The following SDC1 variants were observed in gnomAD, a reference collection of about 807,000 sequenced individuals.
SDC1 encodes the protein syndecan-1.
In SDC1, 14 loss-of-function variants were observed where a neutral mutation model predicts 29.7. The ratio of observed to expected loss-of-function variants is 0.47; its 90% CI spans 0.31 to 0.74. SDC1 has a LOEUF of 0.74. Among genes scored for constraint, SDC1 ranks in the 30% least tolerant of loss-of-function variants. The pLI is 0.05. For synonymous variants in SDC1, 204 were observed against 175.5 expected (o/e 1.16, Z -1.29); for missense variants, 406 against 400.3 (o/e 1.01, Z -0.12).
At position 20,219,571 on chromosome 2, in the gene SDC1, C is replaced by T. The variant is rs1440943922; in HGVS notation, c.66+5231G>A. Among the ~76,000 whole-genome samples, 8 of 152,182 alleles carry T rather than the reference C, an allele frequency of 5.3e-5. No individual in the cohort carries two copies. The South Asian group carries it at 1.2e-3, about 24-fold the overall frequency. ...CCTTCCCCTGGAGCCTGTCAGGGCA[C>T]GCATGTCCCATTCAGTGGAAGGTTC... On this transcript the variant is annotated intron_variant, in intron 1 of 4. Transcript: ENST00000254351.
intron 1 of SDC1, among the ~76,000 whole-genome samples, chr2:20,215,852 C>T (rs553124917): frequency 3.2e-4 from 49 of 152,082 alleles, no homozygotes; most frequent in African/African-American, 1.0e-3. Context: ...CACTCCAGCC[C>T]GAGCCGGGAC....
At position 20,209,884 on chromosome 2, in the gene SDC1, G is replaced by T. The variant is rs530542269; in HGVS notation, c.67-4460C>A. ...GGGCATCTCAGACAGGTTCGACGGG[G>T]GGCAGCGGGCCCAGTCGCTAACCCG... On this transcript the variant is annotated intron_variant, in intron 1 of 4. Transcript: ENST00000254351. Among the ~76,000 whole-genome samples, 492 of 152,340 alleles carry T rather than the reference G, an allele frequency of 3.2e-3. 4 individuals are homozygous for T. The highest frequency in any genetic ancestry group is 4.9e-3 in the Non-Finnish European group (331 of 68,036).
rs1489449622 is a variant in SDC1, at chr2:20,201,328, A to C, written c.*1438T>G. On this transcript the variant is annotated 3_prime_UTR_variant, in exon 5 of 5. Coordinates refer to ENST00000254351, the MANE Select transcript of SDC1 (RefSeq NM_002997.5). ...TCCAGGAGAATTTCAGCCAAAACAA[A>C]AAAGCAAATACACAGAGGGACCCTG... The C allele has an allele frequency of 3.3e-5, 5 of 152,216 alleles. No homozygotes were observed. The highest frequency in any genetic ancestry group is 1.2e-4 in the African/African-American group (5 of 41,454). 9.4% of individuals were successfully genotyped at this position (152,216 alleles called of 1,614,324 possible).
rs1335898150 is a variant in SDC1, at chr2:20,201,651, C to G, written c.*1115G>C. On this transcript the variant is annotated 3_prime_UTR_variant, in exon 5 of 5. Coordinates refer to ENST00000254351, the MANE Select transcript of SDC1 (RefSeq NM_002997.5). The stretch of plus-strand genomic sequence containing the variant: ...CCCAGGGTGGGGCCACAGGAGCTAA[C>G]GGAGAACCTGGCCTTGGATGGAGGC... 1 of 152,700 alleles carries G rather than the reference C, an allele frequency of 6.5e-6. No individual in the cohort carries two copies. The highest frequency in any genetic ancestry group is 2.4e-5 in the African/African-American group (1 of 41,462). The allele number at this position is 152,700 out of a possible 1,614,324, so 9.5% of individuals were successfully genotyped here.
At chr2:20,218,818 GACAC>G (rs758566853) in intron 1 of SDC1, among the ~76,000 whole-genome samples, 1 of 149,976 alleles carries the variant, frequency 6.7e-6, no homozygotes, top group Non-Finnish European at 1.5e-5. Flanking sequence ...TACACACGCA[GACAC>G]ACACACACAC....
Position 20,224,665 on chromosome 2 carries a change from C to A in SDC1, c.66+137G>T, listed in dbSNP as rs1385453771. The stretch of plus-strand genomic sequence containing the variant: ...GAGCCCTGGTCTCGGGGCTCACCGT[C>A]CCGGGACCCGCTGGGCTAGCGCGGG... On this transcript the variant is annotated intron_variant, in intron 1 of 4. Coordinates refer to ENST00000254351, the MANE Select transcript of SDC1 (RefSeq NM_002997.5). This position sits in a 1 kb window ranked among gnomAD's most constrained non-coding sequence, Gnocchi z 4.9. The A allele has an allele frequency of 1.8e-6, 2 of 1,085,168 alleles. No homozygotes were observed. Among genetic ancestry groups the A allele is most frequent in the Admixed American group, 4.6e-5 (1 of 21,616 alleles). 67.2% of individuals were successfully genotyped at this position (1,085,168 alleles called of 1,614,324 possible).
At chr2:20,203,676 G>A in intron 3 of SDC1, 137 bp downstream of exon 3, 1 of 701,600 alleles carries the variant, frequency 1.4e-6, no homozygotes, top group Admixed American at 2.4e-5. Context: ...CCTGGGGGTA[G>A]GGGAAGGCGG....
chr2:20,207,610 C>A (rs930554817), intron 1 of SDC1, among the ~76,000 whole-genome samples: 6 of 152,208 alleles, frequency 3.9e-5, no homozygotes, highest in African/African-American at 1.4e-4. Context: ...GAGGCTGAGG[C>A]AGGAGAATCC....
intron 1 of SDC1, among the ~76,000 whole-genome samples, chr2:20,217,279 C>T (rs1405145894): frequency 6.6e-6 from 1 of 152,202 alleles, no homozygotes. Flanking sequence ...GTAACAGCCA[C>T]CCTCTCTTAC....
At chr2:20,214,054 T>C (rs953466279) in intron 1 of SDC1, among the ~76,000 whole-genome samples, 32 of 152,140 alleles carry the variant, frequency 2.1e-4, no homozygotes, top group African/African-American at 7.5e-4. Flanking sequence ...GGGCTAACTC[T>C]GGAACTAGGC....
At position 20,205,901 on chromosome 2, in the gene SDC1, G is replaced by A. The variant is rs914516116; in HGVS notation, c.67-477C>T. ...TCAAAAACCCCCAAGAACAATCTCA[G>A]GACAACCTGGGTGCAGAGGCAGCCT... On this transcript the variant is annotated intron_variant, in intron 1 of 4. Transcript: ENST00000254351. Among the ~76,000 whole-genome samples, 3 of 152,338 alleles carry A rather than the reference G, an allele frequency of 2.0e-5. No individual in the cohort carries two copies. In the East Asian group the frequency reaches 5.8e-4, roughly 29 times the overall value.
chr2:20,219,010 G>A (rs1677726729), intron 1 of SDC1, among the ~76,000 whole-genome samples: 1 of 152,180 alleles, frequency 6.6e-6, no homozygotes, highest in African/African-American at 2.4e-5. Context: ...GTGGGGAGAG[G>A]AACCAGTGGC....
intron 1 of SDC1, among the ~76,000 whole-genome samples, chr2:20,216,627 C>A (rs1287386623): frequency 6.6e-6 from 1 of 152,192 alleles, no homozygotes; most frequent in African/African-American, 2.4e-5. Flanking sequence ...CACTCTGACA[C>A]AATCAAGTCC....
In SDC1 at chr2:20,202,975, C is replaced by T. The variant is rs781058485; in HGVS notation, c.764-40G>A. 3.8e-6 allele frequency: 6 copies of T among 1,583,292 alleles called. No individual in the cohort carries two copies. The African/African-American group carries it at 5.4e-5, about 14-fold the overall frequency. ...CGGGGCCAGCTCAGCTCAGCGGCTC[C>T]TTGGGCTCTGCTGCAGACCCTCCCC... On this transcript the variant is annotated intron_variant, in intron 4 of 4. Coordinates refer to ENST00000254351, the MANE Select transcript of SDC1 (RefSeq NM_002997.5).
chr2:20,223,233 G>A lies in SDC1; in HGVS notation c.66+1569C>T, dbSNP rs531460168. The A allele has an allele frequency of 5.4e-4, 698 of 1,301,604 alleles. 4 individuals are homozygous for A. In the African/African-American group the frequency reaches 9.8e-3, roughly 18 times the overall value. The allele number at this position is 1,301,604 out of a possible 1,614,324, so 80.6% of individuals were successfully genotyped here. The stretch of plus-strand genomic sequence containing the variant: ...AAGCAGGGAGGGCGCTTTACACATC[G>A]GTCTCAGAAACGACTGTCCCTACCT... On this transcript the variant is annotated intron_variant, in intron 1 of 4. Transcript: ENST00000254351.
intron 1 of SDC1, among the ~76,000 whole-genome samples, chr2:20,212,566 C>T (rs1238779704): frequency 6.6e-6 from 1 of 152,214 alleles, no homozygotes; most frequent in African/African-American, 2.4e-5. Flanking sequence ...GAAGCCATTC[C>T]CAGGAGGAGG....
intron 1 of SDC1, chr2:20,207,302 C>A (rs1380423531): frequency 2.2e-6 from 1 of 461,982 alleles, no homozygotes; most frequent in African/African-American, 2.1e-5. Flanking sequence ...TTCCTTCCCC[C>A]AAGAGAAAGG....
Position 20,223,283 on chromosome 2 carries a change from A to G in SDC1, c.66+1519T>C, listed in dbSNP as rs1280232974. Reference sequence around the variant, plus strand: ...TCATCTCCCATGAGACAGACTCTGTAAAGAAAAAAAAAACCAAAGCGCTCA... The same window carrying G: ...TCATCTCCCATGAGACAGACTCTGTGAAGAAAAAAAAAACCAAAGCGCTCA... On this transcript the variant is annotated intron_variant, in intron 1 of 4. Transcript: ENST00000254351. The G allele has an allele frequency of 9.2e-6, 12 of 1,297,504 alleles. No homozygotes were observed. The East Asian group carries it at 2.8e-4, about 30-fold the overall frequency. 80.4% of individuals were successfully genotyped at this position (1,297,504 alleles called of 1,614,324 possible).
In SDC1 at chr2:20,201,383, G is replaced by A. The variant is rs1366165436; in HGVS notation, c.*1383C>T. ...CAGAATCCCTCCCCATGGGAAAGAC[G>A]AAGGCACAGAGATTCGAGCCAAGTT... On this transcript the variant is annotated 3_prime_UTR_variant, in exon 5 of 5. Coordinates refer to ENST00000254351, the MANE Select transcript of SDC1 (RefSeq NM_002997.5). 6.6e-6 allele frequency: 1 copy of A among 152,340 alleles called. No homozygotes were observed. 9.4% of individuals were successfully genotyped at this position (152,340 alleles called of 1,614,324 possible). A position where few individuals can be genotyped will look rare whatever the true frequency, so the allele number is the denominator to read the frequency against.
Sources: gnomAD v4.1 joint callset for allele counts (sites outside exome capture counted in the v4.1 genomes callset) on GRCh38, gnomAD v4.1.1 for gene constraint, Gnocchi (gnomAD v3.1) non-coding constraint, MANE v1.5 for transcripts, NCBI Gene and HGNC (gene_info 2026-07-23, HGNC 2026-07-21) for gene names.